Variants in PTPRO observed in about 807,000 individuals in gnomAD.
PTPRO encodes the protein protein tyrosine phosphatase receptor type O.
Under a neutral mutation model 145.2 loss-of-function variants are expected in PTPRO, and 62 were observed. The observed-to-expected ratio is 0.43, with a 90% confidence interval of 0.35 to 0.53. The LOEUF is 0.53. Among genes scored for constraint, PTPRO ranks in the 20% least tolerant of loss-of-function variants. PTPRO has a pLI of 0.01. For missense variants in PTPRO, 1,345 were observed against 1,482.7 expected (o/e 0.91, Z 1.53); for synonymous variants, 565 against 514.7 (o/e 1.10, Z -1.32).
intron 1 of PTPRO, among the ~76,000 whole-genome samples, chr12:15,382,519 A>T (rs1329237193): frequency 6.6e-6 from 1 of 152,250 alleles, no homozygotes; most frequent in Non-Finnish European, 1.5e-5. Context: ...AGAATTGTCC[A>T]TCTCGACTTC....
rs989356263 is a variant in PTPRO, at chr12:15,484,131, T to C, written c.233T>C (p.Leu78Ser). 1 of 1,613,834 alleles carries C rather than the reference T, an allele frequency of 6.2e-7. No individual in the cohort carries two copies. Among genetic ancestry groups the C allele is most frequent in the Middle Eastern group, 1.6e-4 (1 of 6,062 alleles). ...GAATTTGAGGAATTCAACAGCACTTTGCCTCCTCCTGTTATTTTCAAGGCC... is the reference window on the plus strand; with the variant it reads ...GAATTTGAGGAATTCAACAGCACTTCGCCTCCTCCTGTTATTTTCAAGGCC... ...FFEFEEFNST[L>S]PPPVIFKASY... Residue 78 changes from leucine to serine, a missense_variant, in exon 2 of 27, where the codon TTG becomes TCG. This residue lies in a region of PTPRO where 1,130 missense variants were observed against 1,214.7 expected (regional missense o/e 0.93). Coordinates refer to ENST00000281171, the MANE Select transcript of PTPRO (RefSeq NM_030667.3).
At chr12:15,563,530 T>C (rs962568538) in intron 17 of PTPRO, among the ~76,000 whole-genome samples, 1 of 152,046 alleles carries the variant, frequency 6.6e-6, no homozygotes, top group African/African-American at 2.4e-5. Flanking sequence ...AAGATCTAAA[T>C]AGAACAATGA....
chr12:15,582,810 T>G (rs999940983), intron 23 of PTPRO, among the ~76,000 whole-genome samples: 4 of 152,192 alleles, frequency 2.6e-5, no homozygotes, highest in Non-Finnish European at 5.9e-5. Flanking sequence ...GAAGGGCTAT[T>G]GATTTCTGAT....
intron 1 of PTPRO, among the ~76,000 whole-genome samples, chr12:15,468,532 A>G (rs1164280246): frequency 6.6e-6 from 1 of 152,194 alleles, no homozygotes; most frequent in Non-Finnish European, 1.5e-5. Context: ...GTCAACTCTT[A>G]CCAGCCCATA....
intron 6 of PTPRO, 51 bp downstream of exon 6, chr12:15,504,120 A>G (rs768299560): frequency 1.3e-6 from 2 of 1,536,690 alleles, no homozygotes; most frequent in South Asian, 2.2e-5. Flanking sequence ...AGAACAATGG[A>G]ACTGGTGGGA....
intron 1 of PTPRO, among the ~76,000 whole-genome samples, chr12:15,325,251 T>C (rs1333977267): frequency 1.3e-5 from 2 of 152,208 alleles, no homozygotes; most frequent in Non-Finnish European, 2.9e-5. Context: ...CTTTACATTT[T>C]CCACAACTCA....
intron 1 of PTPRO, among the ~76,000 whole-genome samples, chr12:15,334,768 C>G (rs1866708337): frequency 6.6e-6 from 1 of 152,002 alleles, no homozygotes; most frequent in African/African-American, 2.4e-5. Flanking sequence ...AGTTTTTGCT[C>G]CTGCCTTTAT....
At chr12:15,441,712 C>T (rs952023737) in intron 1 of PTPRO, among the ~76,000 whole-genome samples, 5 of 152,000 alleles carry the variant, frequency 3.3e-5, no homozygotes, top group African/African-American at 2.4e-5. Flanking sequence ...TCCTTGGAGA[C>T]CATTATGAAC....
At position 15,565,614 on chromosome 12, in the gene PTPRO, G is replaced by A. The variant is rs755475846; in HGVS notation, c.2733G>A (p.Lys911=). The A allele has an allele frequency of 1.4e-6, 2 of 1,454,200 alleles. No homozygotes were observed. The highest frequency in any genetic ancestry group is 1.9e-6 in the Non-Finnish European group (2 of 1,038,528). 90.1% of individuals were successfully genotyped at this position (1,454,200 alleles called of 1,614,324 possible). A position where few individuals can be genotyped will look rare whatever the true frequency, so the allele number is the denominator to read the frequency against. ...INPWSKNGLK[K]RKLTNPVQLD... ...TCAGGAGTAAAAATGGTTTAAAGAAGAGGAAACTGACAAAGTAAGTTTTTC... is the reference window on the plus strand; with the variant it reads ...TCAGGAGTAAAAATGGTTTAAAGAAAAGGAAACTGACAAAGTAAGTTTTTC... The change falls in exon 18 of 27, where the codon AAG becomes AAA. Residue 911 remains lysine (K), a synonymous_variant. Transcript: ENST00000281171.
chr12:15,386,151 C>CA (rs1028700909), intron 1 of PTPRO, among the ~76,000 whole-genome samples: 5 of 151,646 alleles, frequency 3.3e-5, no homozygotes, highest in East Asian at 3.9e-4. Context: ...CAAAGACACA[C>CA]AAAAAAATAA....
At chr12:15,352,998 C>T (rs1399481570) in intron 1 of PTPRO, among the ~76,000 whole-genome samples, 1 of 152,164 alleles carries the variant, frequency 6.6e-6, no homozygotes, top group Non-Finnish European at 1.5e-5. Flanking sequence ...AAGTTATCTA[C>T]TGCCTGAGGA....
intron 1 of PTPRO, among the ~76,000 whole-genome samples, chr12:15,369,072 C>G (rs551650201): frequency 6.6e-6 from 1 of 152,208 alleles, no homozygotes; most frequent in South Asian, 2.1e-4. Flanking sequence ...AATTCTCTAA[C>G]CATCGTGAGG....
intron 2 of PTPRO, among the ~76,000 whole-genome samples, chr12:15,491,794 C>A (rs896412037): frequency 6.6e-6 from 1 of 152,158 alleles, no homozygotes; most frequent in Non-Finnish European, 1.5e-5. Context: ...GGGAAATGGG[C>A]TGAAGTAATG....
chr12:15,361,438 CAAAAAAA>C (rs71042244), intron 1 of PTPRO, among the ~76,000 whole-genome samples: 1 of 71,302 alleles, frequency 1.4e-5, no homozygotes, highest in Non-Finnish European at 2.7e-5. Flanking sequence ...GACTCAGTCT[CAAAAAAA>C]AAAAAAAAAA....
chr12:15,503,536 A>C (rs1942261706), intron 5 of PTPRO, among the ~76,000 whole-genome samples: 1 of 152,138 alleles, frequency 6.6e-6, no homozygotes, highest in Non-Finnish European at 1.5e-5. Flanking sequence ...AAGATATTTG[A>C]TCCTGGTTAT....
chr12:15,556,755 T>C (rs1328840900), intron 15 of PTPRO, among the ~76,000 whole-genome samples: 1 of 152,186 alleles, frequency 6.6e-6, no homozygotes, highest in Non-Finnish European at 1.5e-5. Context: ...AAAGAATTTT[T>C]GCTAAAGATG....
chr12:15,466,969 G>A (rs561694884), intron 1 of PTPRO, among the ~76,000 whole-genome samples: 12 of 152,280 alleles, frequency 7.9e-5, no homozygotes, highest in South Asian at 2.1e-4. Context: ...TGAGATTAAC[G>A]CTCATATCCA....
intron 1 of PTPRO, among the ~76,000 whole-genome samples, chr12:15,463,672 G>T (rs1051879791): frequency 1.3e-5 from 2 of 151,972 alleles, no homozygotes; most frequent in African/African-American, 4.8e-5. Flanking sequence ...TTGTCTCCTA[G>T]CTATTCTTTG....
intron 7 of PTPRO, among the ~76,000 whole-genome samples, chr12:15,514,299 A>T (rs1942527535): frequency 6.6e-6 from 1 of 152,042 alleles, no homozygotes; most frequent in South Asian, 2.1e-4. Flanking sequence ...TAAAAATACA[A>T]AAATTAGCTG....
Sources: gnomAD v4.1 joint callset for allele counts (sites outside exome capture counted in the v4.1 genomes callset) on GRCh38, gnomAD v4.1.1 for gene constraint, gnomAD v4.1.1 regional missense constraint, MANE v1.5 for transcripts, NCBI Gene and HGNC (gene_info 2026-07-23, HGNC 2026-07-21) for gene names.